Variants in PHYHD1 observed in about 807,000 individuals in gnomAD.
PHYHD1 encodes phytanoyl-CoA dioxygenase domain-containing protein 1.
A neutral mutation model predicts 43.6 loss-of-function variants in PHYHD1; 42 were observed. That is an observed-to-expected ratio of 0.96 (90% CI 0.75 to 1.25). PHYHD1 has a LOEUF of 1.25. Ranked by LOEUF, PHYHD1 falls within the 50% of genes most tolerant of loss-of-function variation. The pLI is 0.00. For synonymous variants in PHYHD1, 139 were observed against 143.6 expected (o/e 0.97, Z 0.23); for missense variants, 342 against 370.8 (o/e 0.92, Z 0.64).
Position 128,941,798 on chromosome 9 carries a change from G to T in PHYHD1, c.*85G>T. On this transcript the variant is annotated 3_prime_UTR_variant, in exon 13 of 13. Coordinates refer to ENST00000372592, the MANE Select transcript of PHYHD1 (RefSeq NM_001100876.2). ...CAGTGCCTTGCTCAGCCTCCTGGTT[G>T]CAACAGGGAGGTCTTGTCTCCCCTC... is the stretch of plus-strand genomic sequence containing the variant. The T allele has an allele frequency of 6.3e-7, 1 of 1,582,984 alleles. No individual in the cohort carries two copies. Among genetic ancestry groups the T allele is most frequent in the Non-Finnish European group, 8.7e-7 (1 of 1,154,072 alleles).
At chr9:128,932,498 AC>A (rs1208793796) in intron 4 of PHYHD1, among the ~76,000 whole-genome samples, 2 of 151,570 alleles carry the variant, frequency 1.3e-5, no homozygotes, top group Non-Finnish European at 2.9e-5. Flanking sequence ...CTCCCGAGTA[AC>A]TGGGATTACA....
At chr9:128,928,718 A>T (rs1415009201) in intron 4 of PHYHD1, among the ~76,000 whole-genome samples, 1 of 152,034 alleles carries the variant, frequency 6.6e-6, no homozygotes, top group Non-Finnish European at 1.5e-5. Flanking sequence ...AAAAACAAAA[A>T]CAAAAACAAA....
intron 6 of PHYHD1, among the ~76,000 whole-genome samples, chr9:128,935,855 T>C (rs1841411944): frequency 6.6e-6 from 1 of 152,118 alleles, no homozygotes; most frequent in African/African-American, 2.4e-5. Flanking sequence ...TGAGCCGAGA[T>C]TGTGCCACTG....
At chr9:128,929,786 C>T (rs7858682) in intron 4 of PHYHD1, among the ~76,000 whole-genome samples, 1 of 152,014 alleles carries the variant, frequency 6.6e-6, no homozygotes, top group African/African-American at 2.4e-5. Flanking sequence ...CATGAAATAA[C>T]GAATTCAGTA....
At chr9:128,932,166 A>ATTATTTTTTTTTTTTT (rs1564540372) in intron 4 of PHYHD1, among the ~76,000 whole-genome samples, 2 of 122,744 alleles carry the variant, frequency 1.6e-5, no homozygotes, top group African/African-American at 7.0e-5. Context: ...TATTATTATT[A>ATTATTTTTTTTTTTTT]TTGTTATTAT....
At chr9:128,928,052 C>T (rs1841180661) in intron 4 of PHYHD1, among the ~76,000 whole-genome samples, 1 of 152,244 alleles carries the variant, frequency 6.6e-6, no homozygotes, top group African/African-American at 2.4e-5. Context: ...TTATTATGAG[C>T]CTGCTTGCGC....
At chr9:128,940,862 G>T in intron 11 of PHYHD1, 147 bp downstream of exon 11, 1 of 736,432 alleles carries the variant, frequency 1.4e-6, no homozygotes, top group South Asian at 1.9e-5. Context: ...ATGGGCGCTG[G>T]GAAGTCAGGA....
Position 128,934,055 on chromosome 9 carries a change from C to T in PHYHD1, c.313C>T (p.His105Tyr), listed in dbSNP as rs768735959. The change falls in exon 6 of 13, where the codon CAC becomes TAC. Residue 105 changes from histidine (H) to tyrosine (Y), a missense_variant. His to Tyr is a moderately conservative substitution (Grantham distance 83, BLOSUM62 2). Coordinates refer to ENST00000372592, the MANE Select transcript of PHYHD1 (RefSeq NM_001100876.2). ...GGAGAAATCCATCAACAAAATTGGC[C>T]ACGGTGAGCAGGGGCTTGGGGGTAC... is the stretch of plus-strand genomic sequence containing the variant. ...PPEKSINKIG[H>Y]ALHAHDPVFK... is the part of the protein sequence containing the mutation. 6.2e-7 allele frequency: 1 copy of T among 1,613,576 alleles called. No individual in the cohort carries two copies. The highest frequency in any genetic ancestry group is 8.5e-7 in the Non-Finnish European group (1 of 1,179,726).
Position 128,925,380 on chromosome 9 carries a change from C to T in PHYHD1, c.34-1658C>T, listed in dbSNP as rs781160454. Among the ~76,000 whole-genome samples the T allele has an allele frequency of 3.2e-4, 49 of 151,862 alleles. 1 individual carries two copies. Among genetic ancestry groups the T allele is most frequent in the African/African-American group, 1.2e-3 (49 of 41,414 alleles). ...AGCTGGGATTACAGGTGCCCGCCAC[C>T]GCACCTGGCTAATTTTTGTATTTTT... On this transcript the variant is annotated intron_variant, in intron 3 of 12. Transcript: ENST00000372592.
At chr9:128,936,822 T>C (rs186305019) in intron 8 of PHYHD1, among the ~76,000 whole-genome samples, 177 bp downstream of exon 8, 4 of 152,132 alleles carry the variant, frequency 2.6e-5, no homozygotes, top group Admixed American at 2.6e-4. Flanking sequence ...CAGTTAAAAT[T>C]TGGTGGTAGG....
At chr9:128,933,670 G>C in intron 4 of PHYHD1, 112 bp from the exon 5 acceptor site, 1 of 1,155,200 alleles carries the variant, frequency 8.7e-7, no homozygotes, top group Non-Finnish European at 1.3e-6. Context: ...AAGCCCCCAG[G>C]GTGTCTGTAA....
chr9:128,922,410 G>C lies in PHYHD1; in HGVS notation c.33+54G>C, dbSNP rs903217420. The C allele has an allele frequency of 1.7e-5, 26 of 1,536,120 alleles. No homozygotes were observed. The Middle Eastern group carries it at 1.2e-3, about 68-fold the overall frequency. On this transcript the variant is annotated intron_variant, in intron 3 of 12. Coordinates refer to ENST00000372592, the MANE Select transcript of PHYHD1 (RefSeq NM_001100876.2). The stretch of plus-strand genomic sequence containing the variant: ...GGTCATGGCGGGGGGGTCCCTGCCG[G>C]ACCTTCAGTAGTCCCAGTGCCCAAC...
intron 11 of PHYHD1, 107 bp downstream of exon 11, chr9:128,940,822 T>C: frequency 8.9e-7 from 1 of 1,123,680 alleles, no homozygotes; most frequent in Non-Finnish European, 1.3e-6. Flanking sequence ...CTGAGGGCAG[T>C]GAAGTCACAG....
chr9:128,922,486 G>A (rs142329651), intron 3 of PHYHD1, 130 bp downstream of exon 3: 20,383 of 1,211,646 alleles, frequency 0.017, 216 homozygotes, highest in Non-Finnish European at 0.021. Context: ...CAGAGGAGCG[G>A]GTTCCCAACC....
intron 11 of PHYHD1, 41 bp downstream of exon 11, chr9:128,940,756 C>T: frequency 1.9e-6 from 3 of 1,597,304 alleles, no homozygotes; most frequent in Non-Finnish European, 2.6e-6. Flanking sequence ...GGGCTGAGTC[C>T]ATCAGTCTGT....
chr9:128,937,192 T>C (rs975976706), intron 8 of PHYHD1, among the ~76,000 whole-genome samples: 1 of 150,642 alleles, frequency 6.6e-6, no homozygotes, highest in African/African-American at 2.5e-5. Flanking sequence ...GGTGGGAGGG[T>C]AGCTTGAACC....
chr9:128,922,301 C>T lies in PHYHD1; in HGVS notation c.-23C>T, dbSNP rs979078501. 1.1e-5 allele frequency: 17 copies of T among 1,550,644 alleles called. No individual in the cohort carries two copies. The highest frequency in any genetic ancestry group is 1.5e-5 in the Non-Finnish European group (17 of 1,146,968). On this transcript the variant is annotated 5_prime_UTR_variant, in exon 3 of 13. Transcript: ENST00000372592. ...CCACCAGGAGGCCGCGCTTAGAAGC[C>T]GCCCAGTGCCCTGAGCGTCTCCATG...
intron 1 of PHYHD1, 23 bp downstream of exon 1, chr9:128,921,691 C>G (rs1841002040): frequency 6.6e-6 from 1 of 152,370 alleles, no homozygotes; most frequent in Non-Finnish European, 1.5e-5. Context: ...AAGCATCTCT[C>G]TCTCCTCAGC....
rs1049397137 is a variant in PHYHD1, at chr9:128,930,682, G to A, written c.193-3100G>A. 2.0e-5 allele frequency among the ~76,000 whole-genome samples: 3 copies of A among 152,016 alleles called. No individual in the cohort carries two copies. In the East Asian group the frequency reaches 5.8e-4, roughly 29 times the overall value. Reference sequence around the variant, plus strand: ...AAAAGCACCTCGGCCGGGTGCAGTGGCTTACGCCTGTAACCCCAGCACTTT... The same window carrying A: ...AAAAGCACCTCGGCCGGGTGCAGTGACTTACGCCTGTAACCCCAGCACTTT... On this transcript the variant is annotated intron_variant, in intron 4 of 12. Coordinates refer to ENST00000372592, the MANE Select transcript of PHYHD1 (RefSeq NM_001100876.2).
Sources: allele counts gnomAD v4.1 joint callset (sites outside exome capture counted in the v4.1 genomes callset), GRCh38; gene constraint gnomAD v4.1.1; transcripts MANE v1.5; gene names NCBI Gene and HGNC (gene_info 2026-07-23, HGNC 2026-07-21).